The following CELF2 variants were observed in gnomAD, a reference collection of about 807,000 sequenced individuals.
CELF2 encodes the protein CUG triplet repeat RNA-binding protein 2.
CELF2 carries 8 observed loss-of-function variants against 62.6 expected under a neutral mutation model. The ratio of observed to expected loss-of-function variants is 0.13; its 90% CI spans 0.07 to 0.23. The LOEUF (loss-of-function observed/expected upper bound fraction) is 0.23, where lower values mean the gene tolerates loss of function less well. Ranked by LOEUF, CELF2 falls within the 10% of genes least tolerant of loss-of-function variation. The pLI, the probability that CELF2 is intolerant of heterozygous loss-of-function variation, is 1.00. For missense variants in CELF2, 333 were observed against 671.0 expected, an observed-to-expected ratio of 0.50 and a Z score of 5.56; for synonymous variants, 258 against 250.0, an observed-to-expected ratio of 1.03 and a Z score of -0.30.
At position 11,311,827 on chromosome 10, in the gene CELF2, C is replaced by G. The variant is rs555128321; in HGVS notation, c.977-2312C>G. Among the ~76,000 whole-genome samples, 1 of 151,624 alleles carries G rather than the reference C, an allele frequency of 6.6e-6. No individual in the cohort carries two copies. The highest frequency in any genetic ancestry group is 2.4e-5 in the African/African-American group (1 of 41,240). On this transcript the variant is annotated intron_variant, in intron 9 of 12. Coordinates refer to ENST00000633077, the MANE Select transcript of CELF2 (RefSeq NM_001326342.2). The surrounding 1 kb of genome is among the most constrained non-coding windows in gnomAD (Gnocchi z 4.7). ...GACATGGAATAGATCTAACTTAGGT[C>G]TAGCTAAATTCCTAGTGGAAAGGAG...
At chr10:10,935,637 C>A (rs1289675715) in intron 2 of CELF2, among the ~76,000 whole-genome samples, 1 of 152,054 alleles carries the variant, frequency 6.6e-6, no homozygotes, top group Non-Finnish European at 1.5e-5. Context: ...CCATTTCTAG[C>A]AATAATAAAG....
the CELF2 span, among the ~76,000 whole-genome samples, chr10:10,668,216 G>A: frequency 9.2e-5 from 14 of 152,136 alleles, no homozygotes; most frequent in East Asian, 1.9e-4. Flanking sequence ...TTCTTATCAC[G>A]TGTAATCATC....
At chr10:11,197,002 G>GAAAGAAAGAAA (rs1491260291) in intron 2 of CELF2, among the ~76,000 whole-genome samples, 2 of 13,896 alleles carry the variant, frequency 1.4e-4, no homozygotes, top group African/African-American at 5.9e-4. Flanking sequence ...AGGAAGGAAG[G>GAAAGAAAGAAA]AGAAAGAAAG....
In CELF2 at chr10:11,332,703, G is replaced by A. The variant is rs1167648888; in HGVS notation, c.*3650G>A. ...CCTGTTAGGATCAGTGTGTGTGGAT[G>A]GGATAGCCCTGGGATGGAAAGGACT... On this transcript the variant is annotated 3_prime_UTR_variant, in exon 13 of 13. Coordinates refer to ENST00000633077, the MANE Select transcript of CELF2 (RefSeq NM_001326342.2). 2 of 151,806 alleles carry A rather than the reference G, an allele frequency of 1.3e-5. No individual in the cohort carries two copies. Among genetic ancestry groups the A allele is most frequent in the Non-Finnish European group, 1.5e-5 (1 of 68,048 alleles). 9.4% of individuals were successfully genotyped at this position (151,806 alleles called of 1,614,324 possible).
intron 8 of CELF2, among the ~76,000 whole-genome samples, chr10:11,279,642 T>C (rs2087536294): frequency 6.6e-6 from 1 of 152,214 alleles, no homozygotes; most frequent in African/African-American, 2.4e-5. Context: ...TGTTCATGCT[T>C]ATTGATATGC....
intron 4 of CELF2, among the ~76,000 whole-genome samples, chr10:11,251,043 G>A (rs898612599): frequency 1.3e-5 from 2 of 152,076 alleles, no homozygotes; most frequent in African/African-American, 2.4e-5. Flanking sequence ...AATCCTGTTG[G>A]TACAAGTCAT....
intron 2 of CELF2, chr10:10,922,965 T>C (rs2065062479): frequency 6.6e-6 from 1 of 152,192 alleles, no homozygotes; most frequent in Admixed American, 6.5e-5. Context: ...ATCCTCCCCT[T>C]GTGTCCAGCT....
intron 1 of CELF2, among the ~76,000 whole-genome samples, chr10:10,894,705 G>A (rs1317087935): frequency 6.6e-6 from 1 of 152,092 alleles, no homozygotes; most frequent in Non-Finnish European, 1.5e-5. Flanking sequence ...ATTGAGCATA[G>A]GAAGCCTGTC....
chr10:10,483,306 C>A, the CELF2 span, among the ~76,000 whole-genome samples: 1 of 150,948 alleles, frequency 6.6e-6, no homozygotes, highest in East Asian at 2.0e-4. Flanking sequence ...CATGGGATGA[C>A]CTCTCCAAAT....
chr10:10,845,151 A>G (rs2058929433), intron 1 of CELF2, among the ~76,000 whole-genome samples: 1 of 152,046 alleles, frequency 6.6e-6, no homozygotes, highest in Admixed American at 6.6e-5. Context: ...ATAGACGAGA[A>G]ATTGCTGTGG....
intron 2 of CELF2, among the ~76,000 whole-genome samples, chr10:10,981,928 C>T (rs943861789): frequency 5.3e-5 from 8 of 151,766 alleles, no homozygotes; most frequent in African/African-American, 1.9e-4. Context: ...GCCTGGTAGA[C>T]CCTCTCCTCG....
chr10:10,920,803 G>C (rs1417517376), intron 2 of CELF2, among the ~76,000 whole-genome samples: 1 of 147,434 alleles, frequency 6.8e-6, no homozygotes, highest in Non-Finnish European at 1.5e-5. Flanking sequence ...GGGAGGGAGA[G>C]GGGATGGGGG....
chr10:10,765,127 G>A, the CELF2 span, among the ~76,000 whole-genome samples: 13 of 152,232 alleles, frequency 8.5e-5, no homozygotes, highest in East Asian at 1.7e-3. Context: ...TACAAATGAC[G>A]GTGAACTTCA....
chr10:10,885,010 G>A (rs2061665265), intron 1 of CELF2, among the ~76,000 whole-genome samples: 1 of 152,208 alleles, frequency 6.6e-6, no homozygotes, highest in Non-Finnish European at 1.5e-5. Flanking sequence ...TTGGGAGGCT[G>A]AGGCAGGCAG....
chr10:10,551,505 C>G, the CELF2 span, among the ~76,000 whole-genome samples: 9 of 152,216 alleles, frequency 5.9e-5, no homozygotes, highest in East Asian at 1.9e-4. Context: ...CCCTCCCCCC[C>G]AGTCTCCACT....
At chr10:11,153,193 A>T (rs775944674) in intron 1 of CELF2, among the ~76,000 whole-genome samples, 26 of 152,200 alleles carry the variant, frequency 1.7e-4, no homozygotes, top group Non-Finnish European at 2.9e-4. Context: ...AAGCCATTCT[A>T]GAGGGGCCTT....
the CELF2 span, among the ~76,000 whole-genome samples, chr10:10,663,144 G>C: frequency 2.3e-4 from 35 of 152,298 alleles, no homozygotes; most frequent in Non-Finnish European, 1.2e-4. Flanking sequence ...AGGTGAACGT[G>C]AAAAACCTTT....
chr10:10,816,134 A>C (rs1490198616), intron 1 of CELF2, among the ~76,000 whole-genome samples: 1 of 152,172 alleles, frequency 6.6e-6, no homozygotes, highest in South Asian at 2.1e-4. Flanking sequence ...TCTTGAGACC[A>C]TAAGTTTCTA....
chr10:11,334,262 C>T lies in CELF2; in HGVS notation c.*5209C>T, dbSNP rs201663046. On this transcript the variant is annotated 3_prime_UTR_variant, in exon 13 of 13. Transcript: ENST00000633077. ...CTTCTGTCCTCATTGTGAACATAAC[C>T]GTGTAGTTGAAACAGTCAAACTTAT... The T allele has an allele frequency of 1.3e-5, 2 of 152,564 alleles. No homozygotes were observed. Among genetic ancestry groups the T allele is most frequent in the African/African-American group, 2.4e-5 (1 of 41,418 alleles). 9.5% of individuals were successfully genotyped at this position (152,564 alleles called of 1,614,324 possible).
Sources: gnomAD v4.1 joint callset for allele counts (sites outside exome capture counted in the v4.1 genomes callset) on GRCh38, gnomAD v4.1.1 for gene constraint, Gnocchi (gnomAD v3.1) non-coding constraint, MANE v1.5 for transcripts, NCBI Gene and HGNC (gene_info 2026-07-23, HGNC 2026-07-21) for gene names.